The following CRACD variants were observed in gnomAD, a reference collection of about 807,000 sequenced individuals.
The protein encoded by CRACD is capping protein inhibiting regulator of actin dynamics.
CRACD carries 56 observed loss-of-function variants against 106.8 expected under a neutral mutation model. The observed-to-expected ratio is 0.52, with a 90% CI of 0.42 to 0.66. The LOEUF (loss-of-function observed/expected upper bound fraction) is 0.66. CRACD is among the 30% of genes least tolerant of loss of function. CRACD has a pLI of 0.00. For synonymous variants in CRACD, 754 were observed against 670.8 expected (o/e 1.12, Z -1.92); for missense variants, 1,730 against 1,623.2 (o/e 1.07, Z -1.13).
intron 7 of CRACD, 102 bp from the exon 8 acceptor site, chr4:56,313,938 T>G: frequency 1.4e-6 from 2 of 1,459,934 alleles, no homozygotes; most frequent in Non-Finnish European, 1.8e-6. Context: ...CTTCCAGGTG[T>G]TCTTGAGAAA....
At chr4:56,229,685 A>G (rs1315396351) in intron 2 of CRACD, among the ~76,000 whole-genome samples, 1 of 152,226 alleles carries the variant, frequency 6.6e-6, no homozygotes, top group African/African-American at 2.4e-5. Context: ...TAGCTGTTAC[A>G]AATACCACCT....
intron 2 of CRACD, among the ~76,000 whole-genome samples, chr4:56,209,610 T>C (rs1054492690): frequency 5.9e-5 from 9 of 152,160 alleles, no homozygotes; most frequent in African/African-American, 2.2e-4. Flanking sequence ...AAGATGTTTC[T>C]TCCTATATTT....
chr4:56,300,440 G>A (rs546163503), intron 4 of CRACD, among the ~76,000 whole-genome samples: 32 of 152,290 alleles, frequency 2.1e-4, no homozygotes, highest in Non-Finnish European at 3.8e-4. Flanking sequence ...CTAGCTGGCC[G>A]TGCTCTAACA....
intron 5 of CRACD, among the ~76,000 whole-genome samples, 193 bp downstream of exon 5, chr4:56,307,892 C>T (rs1483157194): frequency 6.6e-6 from 1 of 152,222 alleles, no homozygotes; most frequent in Non-Finnish European, 1.5e-5. Flanking sequence ...GAAGAGGAGA[C>T]AAGCCCTTTG....
chr4:56,273,610 A>G (rs1254637050), intron 3 of CRACD, among the ~76,000 whole-genome samples: 1 of 152,124 alleles, frequency 6.6e-6, no homozygotes, highest in East Asian at 1.9e-4. Flanking sequence ...TCCTCTGAGA[A>G]ACCTTTTCCG....
intron 1 of CRACD, chr4:56,050,124 C>G (rs1184832504): frequency 6.6e-6 from 1 of 151,216 alleles, no homozygotes; most frequent in South Asian, 2.1e-4. Flanking sequence ...TTTCTGAATT[C>G]TGAATTTTAA....
chr4:56,315,195 G>T lies in CRACD; in HGVS notation c.1693G>T (p.Gly565Trp). The change falls in exon 8 of 11, where the codon GGG (glycine) becomes TGG (tryptophan). Residue 565 changes from glycine (G) to tryptophan (W), a missense_variant. By Grantham distance (184) the Gly-to-Trp change is radical (BLOSUM62 -2). Coordinates refer to ENST00000682029, the MANE Select transcript of CRACD (RefSeq NM_001393381.1). The surrounding 1 kb of genome is among the most constrained non-coding windows in gnomAD (Gnocchi z 4.1). ...CCCCGTGACGCCCGCAAAGGACACG[G>T]GGCTCACCGCTGCTCCCCAGGAACC... ...LSPVTPAKDT[G>W]LTAAPQEPKA... is the part of the protein sequence containing the mutation. The T allele has an allele frequency of 6.3e-7, 1 of 1,594,338 alleles. No individual in the cohort carries two copies. Among genetic ancestry groups the T allele is most frequent in the South Asian group, 1.1e-5 (1 of 88,354 alleles).
intron 1 of CRACD, among the ~76,000 whole-genome samples, chr4:56,072,654 G>A (rs1370993768): frequency 3.3e-5 from 5 of 151,582 alleles, no homozygotes; most frequent in Non-Finnish European, 7.4e-5. Flanking sequence ...TGTGCAGAAC[G>A]TCCAGGTTTG....
At chr4:56,248,507 T>C (rs1235983308) in intron 2 of CRACD, among the ~76,000 whole-genome samples, 1 of 150,714 alleles carries the variant, frequency 6.6e-6, no homozygotes, top group East Asian at 2.1e-4. Context: ...ATTTTTTTTT[T>C]TGAATGCACA....
chr4:56,168,101 G>A (rs1480064610), intron 1 of CRACD, among the ~76,000 whole-genome samples: 1 of 152,066 alleles, frequency 6.6e-6, no homozygotes, highest in Non-Finnish European at 1.5e-5. Flanking sequence ...CTACTACAAT[G>A]TTAAAGAGAA....
At chr4:56,297,163 G>A (rs927181436) in intron 3 of CRACD, among the ~76,000 whole-genome samples, 4 of 151,912 alleles carry the variant, frequency 2.6e-5, no homozygotes, top group Non-Finnish European at 4.4e-5. Context: ...GGCTGGTCTC[G>A]AACTCCAGAC....
intron 8 of CRACD, chr4:56,321,253 G>T: frequency 4.7e-6 from 1 of 214,490 alleles, no homozygotes. Flanking sequence ...CTGGGATTGG[G>T]GTAAAATGCT....
In CRACD at chr4:56,319,227, C is replaced by G. The variant is rs370244362; in HGVS notation, c.3187+2538C>G. ...AGCCTTCCCAGCTTCCCTGGAGATTCTTTAAACATACCATTTGTTATTACA... is the reference window on the plus strand; with the variant it reads ...AGCCTTCCCAGCTTCCCTGGAGATTGTTTAAACATACCATTTGTTATTACA... On this transcript the variant is annotated intron_variant, in intron 8 of 10. Transcript: ENST00000682029. Among the ~76,000 whole-genome samples, 73 of 152,230 alleles carry G rather than the reference C, an allele frequency of 4.8e-4. 1 individual carries two copies. In the South Asian group the frequency reaches 0.015, roughly 31 times the overall value.
At chr4:56,202,452 G>A (rs1455748026) in intron 2 of CRACD, among the ~76,000 whole-genome samples, 1 of 152,202 alleles carries the variant, frequency 6.6e-6, no homozygotes, top group South Asian at 2.1e-4. Context: ...TTGTCATGTT[G>A]GCCAGGCTGG....
rs1247504944 is a variant in CRACD at position 56,329,173 on chromosome 4, A to G, written c.*1369A>G. The stretch of plus-strand genomic sequence containing the variant: ...TTCACTTTTATTGCCCTAAATTTAC[A>G]TGAAACAGACATACTGGCAAACTCA... On this transcript the variant is annotated 3_prime_UTR_variant, in exon 11 of 11. Coordinates refer to ENST00000682029, the MANE Select transcript of CRACD (RefSeq NM_001393381.1). 1.3e-5 allele frequency among the ~76,000 whole-genome samples: 2 copies of G among 152,240 alleles called. No individual in the cohort carries two copies. The highest frequency in any genetic ancestry group is 2.4e-5 in the African/African-American group (1 of 41,458).
chr4:56,218,219 T>C (rs545347491), intron 2 of CRACD, among the ~76,000 whole-genome samples: 2 of 152,190 alleles, frequency 1.3e-5, no homozygotes, highest in East Asian at 3.9e-4. Flanking sequence ...TACCTTTTGG[T>C]GGGGGACACA....
At chr4:56,086,432 A>C (rs902405592) in intron 1 of CRACD, among the ~76,000 whole-genome samples, 2 of 152,152 alleles carry the variant, frequency 1.3e-5, no homozygotes, top group Admixed American at 6.6e-5. Context: ...GTGGTGAGCC[A>C]CTGAGCCCAG....
At chr4:56,241,120 C>A (rs1366417677) in intron 2 of CRACD, among the ~76,000 whole-genome samples, 1 of 152,186 alleles carries the variant, frequency 6.6e-6, no homozygotes, top group African/African-American at 2.4e-5. Flanking sequence ...AAAGGGCAGA[C>A]TATAAAGTGC....
intron 3 of CRACD, among the ~76,000 whole-genome samples, chr4:56,286,432 A>G (rs1279871274): frequency 6.7e-6 from 1 of 148,238 alleles, no homozygotes; most frequent in Non-Finnish European, 1.5e-5. Flanking sequence ...AGGCCGAGGC[A>G]GGAGAATGGC....
Sources: gnomAD v4.1 joint callset for allele counts (sites outside exome capture counted in the v4.1 genomes callset) on GRCh38, gnomAD v4.1.1 for gene constraint, Gnocchi (gnomAD v3.1) non-coding constraint, MANE v1.5 for transcripts, NCBI Gene and HGNC (gene_info 2026-07-23, HGNC 2026-07-21) for gene names.